Variants in C10orf105 observed in about 807,000 individuals in gnomAD.
C10orf105 encodes chromosome 10 open reading frame 105.
In C10orf105, 2 loss-of-function variants were observed where a neutral mutation model predicts 0.6. The observed-to-expected ratio is 3.18, with a 90% CI of 1.30 to 10.01. The LOEUF (loss-of-function observed/expected upper bound fraction) is 10.01, where lower values mean the gene tolerates loss of function less well. Ranked by LOEUF, C10orf105 falls within the 30% of genes most tolerant of loss-of-function variation. The pLI is 0.04. For synonymous variants in C10orf105, 95 were observed against 82.4 expected (o/e 1.15, Z -0.83); for missense variants, 209 against 191.4 (o/e 1.09, Z -0.54).
upstream of C10orf105, among the ~76,000 whole-genome samples, chr10:71,723,561 A>G (rs570399851): frequency 1.3e-5 from 2 of 152,350 alleles, no homozygotes; most frequent in South Asian, 4.1e-4. Context: ...CTGGGCTTCC[A>G]CGAAGTGACC....
At chr10:71,730,703 G>T (rs1187239813) in intron 1 of C10orf105, 47 of 1,530,054 alleles carry the variant, frequency 3.1e-5, no homozygotes, top group Non-Finnish European at 4.0e-5. Context: ...TGATGCTTCA[G>T]GCTCCCCATT....
chr10:71,725,659 G>C, intron 1 of C10orf105: 2 of 1,052,726 alleles, frequency 1.9e-6, no homozygotes, highest in Non-Finnish European at 2.7e-6. Flanking sequence ...TGGGCCTAAG[G>C]GTTCGGTGAC....
upstream of C10orf105, among the ~76,000 whole-genome samples, chr10:71,721,483 C>T (rs1042839641): frequency 6.6e-6 from 1 of 152,166 alleles, no homozygotes; most frequent in Non-Finnish European, 1.5e-5. Context: ...TCATTGTGCC[C>T]AGTCTAGAGA....
At position 71,716,121 on chromosome 10, in the gene C10orf105, C is replaced by G. The variant is rs773965872; in HGVS notation, c.217G>C (p.Glu73Gln). Reference sequence around the variant, plus strand: ...CTCCCAGGGTGGTGGGGCATGCACTCGTGAGCCCTGCGGCGGCTCGGGTCC... The same window carrying G: ...CTCCCAGGGTGGTGGGGCATGCACTGGTGAGCCCTGCGGCGGCTCGGGTCC... ...ALDPSRRRAH[E>Q]CMPHHPGSPS... The change falls in exon 2 of 2, where the codon GAG becomes CAG. Residue 73 changes from glutamate to glutamine, a missense_variant. Coordinates refer to ENST00000441508, the MANE Select transcript of C10orf105 (RefSeq NM_001164375.3). 5.2e-6 allele frequency: 8 copies of G among 1,549,042 alleles called. No homozygotes were observed. In the East Asian group the frequency reaches 1.5e-4, roughly 28 times the overall value.
intron 1 of C10orf105, among the ~76,000 whole-genome samples, chr10:71,718,098 G>C (rs1258709967): frequency 6.6e-6 from 1 of 152,154 alleles, no homozygotes; most frequent in Non-Finnish European, 1.5e-5. Context: ...CATGAGGGTG[G>C]GGGATAGCAG....
chr10:71,717,996 G>A (rs374026512), intron 1 of C10orf105: 18 of 152,382 alleles, frequency 1.2e-4, no homozygotes, highest in African/African-American at 3.6e-4. Flanking sequence ...GTCAGCATGT[G>A]TGATATTTAA....
At chr10:71,733,184 G>A (rs888028514) in intron 1 of C10orf105, among the ~76,000 whole-genome samples, 5 of 152,202 alleles carry the variant, frequency 3.3e-5, no homozygotes, top group African/African-American at 1.2e-4. Flanking sequence ...TATTATGAAG[G>A]ATAGTCTAAA....
At chr10:71,728,618 G>A (rs1370623050) in intron 1 of C10orf105, among the ~76,000 whole-genome samples, 4 of 152,144 alleles carry the variant, frequency 2.6e-5, no homozygotes, top group Non-Finnish European at 5.9e-5. Context: ...CTTAGTGCTG[G>A]TCACCACATG....
chr10:71,718,632 A>G (rs886149375), intron 1 of C10orf105, among the ~76,000 whole-genome samples: 1 of 152,270 alleles, frequency 6.6e-6, no homozygotes, highest in Non-Finnish European at 1.5e-5. Context: ...GGCCAGGAGT[A>G]AGAAAAGGGC....
chr10:71,723,785 C>T (rs1014470441), upstream of C10orf105, among the ~76,000 whole-genome samples: 9 of 152,184 alleles, frequency 5.9e-5, no homozygotes, highest in African/African-American at 1.9e-4. Context: ...CTCCCCCAGC[C>T]TCCCTGCGAA....
chr10:71,735,584 C>A (rs1395120802), intron 1 of C10orf105, among the ~76,000 whole-genome samples: 1 of 152,178 alleles, frequency 6.6e-6, no homozygotes, highest in Non-Finnish European at 1.5e-5. Flanking sequence ...GCATCAGGCT[C>A]CTCATCAGCC....
In C10orf105 at chr10:71,713,706, C is replaced by G. The variant is rs1293171907; in HGVS notation, c.*2230G>C. 5.5e-6 allele frequency: 1 copy of G among 182,838 alleles called. No individual in the cohort carries two copies. Among genetic ancestry groups the G allele is most frequent in the African/African-American group, 2.4e-5 (1 of 41,852 alleles). 11.3% of individuals were successfully genotyped at this position (182,838 alleles called of 1,614,324 possible). A position where few individuals can be genotyped will look rare whatever the true frequency, so the allele number is the denominator to read the frequency against. On this transcript the variant is annotated 3_prime_UTR_variant, in exon 2 of 2. Coordinates refer to ENST00000441508, the MANE Select transcript of C10orf105 (RefSeq NM_001164375.3). Reference sequence around the variant, plus strand: ...CTTGTGAGGACTTGGAGCATACCCCCCTGGCCTGGTGCCTGAAACCCAATT... The same window carrying G: ...CTTGTGAGGACTTGGAGCATACCCCGCTGGCCTGGTGCCTGAAACCCAATT...
intron 1 of C10orf105, among the ~76,000 whole-genome samples, chr10:71,727,531 C>T (rs140465365): frequency 5.0e-4 from 76 of 152,324 alleles, no homozygotes; most frequent in African/African-American, 1.7e-3. Context: ...AGGGGAGAGA[C>T]GGCTTGCAGG....
chr10:71,723,750 G>C (rs894626318), upstream of C10orf105, among the ~76,000 whole-genome samples: 1 of 152,176 alleles, frequency 6.6e-6, no homozygotes, highest in Non-Finnish European at 1.5e-5. Context: ...TGGACCCAGC[G>C]AGCTGCAGTG....
rs116044764 is a variant in C10orf105, at chr10:71,711,841, G to C, written c.*4095C>G. On this transcript the variant is annotated 3_prime_UTR_variant, in exon 2 of 2. Coordinates refer to ENST00000441508, the MANE Select transcript of C10orf105 (RefSeq NM_001164375.3). ...AGTGGAGGACAGCTGCCCTTCCAGC[G>C]GGGCCCATCCAGGTGTTTGACCCAG... 1.3e-5 allele frequency: 2 copies of C among 152,008 alleles called. No homozygotes were observed. Among genetic ancestry groups the C allele is most frequent in the South Asian group, 4.2e-4 (2 of 4,814 alleles). The allele number at this position is 152,008 out of a possible 1,614,324, so 9.4% of individuals were successfully genotyped here. A position where few individuals can be genotyped will look rare whatever the true frequency, so the allele number is the denominator to read the frequency against.
Position 71,713,360 on chromosome 10 carries a change from C to T in C10orf105, c.*2576G>A, listed in dbSNP as rs1216753126. On this transcript the variant is annotated 3_prime_UTR_variant, in exon 2 of 2. Coordinates refer to ENST00000441508, the MANE Select transcript of C10orf105 (RefSeq NM_001164375.3). ...CACCCACACCTCTGCCCAGAGGCCTCAGTTGCTGGGTGGGGAGGGAGGCCC... is the reference window on the plus strand; with the variant it reads ...CACCCACACCTCTGCCCAGAGGCCTTAGTTGCTGGGTGGGGAGGGAGGCCC... 4.0e-6 allele frequency: 3 copies of T among 753,460 alleles called. No individual in the cohort carries two copies. In the South Asian group the frequency reaches 4.2e-5, roughly 11 times the overall value. 46.7% of individuals were successfully genotyped at this position (753,460 alleles called of 1,614,324 possible). A position where few individuals can be genotyped will look rare whatever the true frequency, so the allele number is the denominator to read the frequency against.
At chr10:71,735,945 CAG>C (rs1359490203) in intron 1 of C10orf105, among the ~76,000 whole-genome samples, 1 of 152,256 alleles carries the variant, frequency 6.6e-6, no homozygotes, top group Non-Finnish European at 1.5e-5. Flanking sequence ...GGCAGACACT[CAG>C]GGGTAAAGTG....
chr10:71,713,003 C>T lies in C10orf105; in HGVS notation c.*2933G>A, dbSNP rs1043840380. 2.9e-5 allele frequency: 22 copies of T among 767,714 alleles called. No homozygotes were observed. The highest frequency in any genetic ancestry group is 4.8e-5 in the Non-Finnish European group (21 of 435,866). The allele number at this position is 767,714 out of a possible 1,614,324, so 47.6% of individuals were successfully genotyped here. On this transcript the variant is annotated 3_prime_UTR_variant, in exon 2 of 2. Transcript: ENST00000441508. ...TCTCCCATCCCAGGGAGTGTGGGCC[C>T]CCAGGTTGCAGAGCTGAGGATAGGG... is the stretch of plus-strand genomic sequence containing the variant.
At chr10:71,735,338 A>AG (rs1233785193) in intron 1 of C10orf105, among the ~76,000 whole-genome samples, 2 of 151,952 alleles carry the variant, frequency 1.3e-5, no homozygotes, top group Non-Finnish European at 2.9e-5. Context: ...CCCCTGGGGG[A>AG]GGGGGGCCCA....
Sources: gnomAD v4.1 joint callset for allele counts (sites outside exome capture counted in the v4.1 genomes callset) on GRCh38, gnomAD v4.1.1 for gene constraint, MANE v1.5 for transcripts, NCBI Gene and HGNC (gene_info 2026-07-23, HGNC 2026-07-21) for gene names.